NLRP11: variants seen among roughly 807,000 people sequenced by gnomAD.
The protein encoded by NLRP11 is NACHT, LRR and PYD domains-containing protein 11.
A neutral mutation model predicts 79.3 loss-of-function variants in NLRP11; 53 were observed. The observed-to-expected ratio is 0.67, with a 90% CI of 0.54 to 0.84. The LOEUF (loss-of-function observed/expected upper bound fraction) is 0.84, where lower values mean the gene tolerates loss of function less well. Among genes scored for constraint, NLRP11 ranks in the 40% least tolerant of loss-of-function variants. The pLI, the probability that NLRP11 is intolerant of heterozygous loss-of-function variation, is 0.00. For missense variants in NLRP11, 1,264 were observed against 1,255.0 expected (o/e 1.01, Z -0.11); for synonymous variants, 518 against 462.6 (o/e 1.12, Z -1.54).
At chr19:55,785,823 A>G (rs772062539) in exon 10 of NLRP11, 2 of 1,614,136 alleles carry the variant, frequency 1.2e-6, no homozygotes, top group Non-Finnish European at 1.7e-6. Flanking sequence ...TTTCCTTTAC[A>G]GTCATCAGCA....
At chr19:55,806,817 A>C (rs1980042612) in intron 4 of NLRP11, among the ~76,000 whole-genome samples, 1 of 152,154 alleles carries the variant, frequency 6.6e-6, no homozygotes, top group Admixed American at 6.5e-5. Flanking sequence ...ACACTGGTCT[A>C]AACATGTAGG....
intron 5 of NLRP11, among the ~76,000 whole-genome samples, chr19:55,798,500 G>T (rs1398054574): frequency 3.3e-5 from 5 of 151,988 alleles, no homozygotes; most frequent in African/African-American, 9.7e-5. Flanking sequence ...TACACACTGG[G>T]GCCGACTTGA....
exon 4 of NLRP11, chr19:55,807,928 T>C (rs867356827): frequency 4.3e-6 from 7 of 1,611,574 alleles, no homozygotes; most frequent in African/African-American, 4.0e-5. Context: ...ATTAAGGTCA[T>C]TGTCAAAGAT....
At chr19:55,828,462 C>G (rs933529356) in intron 1 of NLRP11, among the ~76,000 whole-genome samples, 1 of 152,098 alleles carries the variant, frequency 6.6e-6, no homozygotes, top group Non-Finnish European at 1.5e-5. Flanking sequence ...GTAATGATGT[C>G]AATTAAAGTA....
intron 2 of NLRP11, among the ~76,000 whole-genome samples, chr19:55,815,477 C>A (rs1981020219): frequency 7.0e-6 from 1 of 142,580 alleles, no homozygotes; most frequent in Non-Finnish European, 1.5e-5. Context: ...TGCAGTGAGC[C>A]GAGATTGTTC....
At chr19:55,823,185 G>C (rs1344529802) in intron 1 of NLRP11, among the ~76,000 whole-genome samples, 5 of 145,134 alleles carry the variant, frequency 3.4e-5, no homozygotes, top group Admixed American at 1.4e-4. Context: ...TATTCCAACA[G>C]ACCTGCAGCT....
intron 5 of NLRP11, among the ~76,000 whole-genome samples, chr19:55,797,511 G>A (rs921416663): frequency 5.3e-5 from 8 of 152,148 alleles, no homozygotes; most frequent in African/African-American, 1.7e-4. Flanking sequence ...GAAGAAATAC[G>A]ATGGAATTCT....
intron 7 of NLRP11, among the ~76,000 whole-genome samples, 191 bp from the exon 8 acceptor site, chr19:55,789,590 A>G (rs1486459242): frequency 1.3e-5 from 2 of 152,262 alleles, no homozygotes; most frequent in Non-Finnish European, 2.9e-5. Context: ...CCTAATGCAC[A>G]TTAAACTCAC....
At chr19:55,811,295 G>T (rs928017699) in intron 2 of NLRP11, among the ~76,000 whole-genome samples, 4 of 152,190 alleles carry the variant, frequency 2.6e-5, no homozygotes, top group African/African-American at 9.6e-5. Flanking sequence ...GTATAAAGCT[G>T]TCATAGAGGT....
intron 1 of NLRP11, among the ~76,000 whole-genome samples, chr19:55,819,690 GGT>G (rs1290342478): frequency 6.6e-6 from 1 of 152,180 alleles, no homozygotes; most frequent in Non-Finnish European, 1.5e-5. Flanking sequence ...GAGAATGGCA[GGT>G]ATCTGCTTGA....
At position 55,788,997 on chromosome 19, in the gene NLRP11, G is replaced by T. The variant is rs202212525; in HGVS notation, c.2685-20C>A. ...TCTAGCCTGCAACGAAGATGCACAG[G>T]TAAGGTGGGGCCAAATCCTTGAGGA... On this transcript the variant is annotated intron_variant, in intron 8 of 9. Transcript: ENST00000589093. 35 of 1,613,154 alleles carry T rather than the reference G, an allele frequency of 2.2e-5. No homozygotes were observed. Among genetic ancestry groups the T allele is most frequent in the South Asian group, 1.1e-5 (1 of 91,036 alleles).
Position 55,810,245 on chromosome 19 carries a change from C to T in NLRP11, c.365G>A (p.Arg122His), listed in dbSNP as rs375545663. 92 of 1,613,802 alleles carry T rather than the reference C, an allele frequency of 5.7e-5. No homozygotes were observed. The highest frequency in any genetic ancestry group is 1.9e-4 in the African/African-American group (14 of 74,866). ...GTAGAACACATCTGACGAAACGTCACGAAAAAATTTATAATGAAATTTTCC... is the reference window on the plus strand; with the variant it reads ...GTAGAACACATCTGACGAAACGTCATGAAAAAATTTATAATGAAATTTTCC... The change falls in exon 3 of 10, where the codon CGT becomes CAT. Residue 122 changes from arginine (R) to histidine (H), a missense_variant. Transcript: ENST00000589093.
At chr19:55,830,629 G>T (rs1047291846) in intron 1 of NLRP11, among the ~76,000 whole-genome samples, 13 of 143,228 alleles carry the variant, frequency 9.1e-5, no homozygotes, top group Non-Finnish European at 1.6e-4. Context: ...AACGTTGAGT[G>T]TGTGTTAAAA....
rs147156673 is a variant in NLRP11, at chr19:55,809,254, G to A, written c.1356C>T (p.Asn452=). The A allele has an allele frequency of 2.1e-4, 342 of 1,613,970 alleles. No homozygotes were observed. Among genetic ancestry groups the A allele is most frequent in the Non-Finnish European group, 2.7e-4 (323 of 1,179,886 alleles). ...CAATGGCTGTACAAAACTCCTGGACGTTCAAGTGTATGAACTTGTAACGGT... is the reference window on the plus strand; with the variant it reads ...CAATGGCTGTACAAAACTCCTGGACATTCAAGTGTATGAACTTGTAACGGT... Residue 452 remains asparagine (N), a synonymous_variant, in exon 3 of 10, where the codon AAC becomes AAT. Transcript: ENST00000589093. This position sits in a 1 kb window ranked among gnomAD's most constrained non-coding sequence, Gnocchi z 4.5.
At chr19:55,805,550 A>T (rs368851348) in intron 4 of NLRP11, among the ~76,000 whole-genome samples, 2 of 137,016 alleles carry the variant, frequency 1.5e-5, no homozygotes, top group African/African-American at 3.0e-5. Context: ...TTTTTTTTTT[A>T]AATACACACA....
At position 55,809,155 on chromosome 19, in the gene NLRP11, G is replaced by A. The variant is rs776475161; in HGVS notation, c.1455C>T (p.Tyr485=). The A allele has an allele frequency of 2.7e-5, 44 of 1,613,728 alleles. No homozygotes were observed. The highest frequency in any genetic ancestry group is 8.5e-7 in the Non-Finnish European group (1 of 1,179,876). The change falls in exon 3 of 10, where the codon TAC becomes TAT. Residue 485 remains tyrosine (Y), a synonymous_variant. Coordinates refer to ENST00000589093, the Ensembl canonical transcript of NLRP11. This position sits in a 1 kb window ranked among gnomAD's most constrained non-coding sequence, Gnocchi z 4.5. ...AAGTAAACACTTGATTAAAGTCAGAGTATTGTTCTCTCTTCTCTTTATACT... is the reference window on the plus strand; with the variant it reads ...AAGTAAACACTTGATTAAAGTCAGAATATTGTTCTCTCTTCTCTTTATACT...
intron 3 of NLRP11, 66 bp from the exon 4 acceptor site, chr19:55,808,080 T>C: frequency 9.2e-7 from 1 of 1,088,412 alleles, no homozygotes; most frequent in Non-Finnish European, 1.3e-6. Context: ...GTAAAACATG[T>C]AAATTAAAGT....
chr19:55,796,774 C>A (rs534520705), intron 5 of NLRP11, among the ~76,000 whole-genome samples: 34 of 151,988 alleles, frequency 2.2e-4, no homozygotes, highest in South Asian at 1.7e-3. Flanking sequence ...GCAACCTCTG[C>A]CTCCCGGGTT....
intron 5 of NLRP11, among the ~76,000 whole-genome samples, chr19:55,799,049 G>A (rs1979219682): frequency 1.3e-5 from 2 of 152,020 alleles, no homozygotes; most frequent in South Asian, 2.1e-4. Context: ...GGCAGATCAC[G>A]TGAGGTCAGG....
Sources: allele counts gnomAD v4.1 joint callset (sites outside exome capture counted in the v4.1 genomes callset), GRCh38; gene constraint gnomAD v4.1.1; non-coding constraint Gnocchi (gnomAD v3.1); transcripts MANE v1.5; gene names NCBI Gene and HGNC (gene_info 2026-07-23, HGNC 2026-07-21).